CDH15: variants seen among roughly 807,000 people sequenced by gnomAD.
The protein encoded by CDH15 is cadherin 15.
In CDH15, 73 loss-of-function variants were observed where a neutral mutation model predicts 69.4. The ratio of observed to expected loss-of-function variants is 1.05; its 90% CI spans 0.87 to 1.28. CDH15 has a LOEUF of 1.28. Ranked by LOEUF, CDH15 falls within the 50% of genes most tolerant of loss-of-function variation. CDH15 has a pLI of 0.00. For missense variants in CDH15, 1,343 were observed against 1,133.6 expected, an observed-to-expected ratio of 1.18 and a Z score of -2.65; for synonymous variants, 624 against 507.7, an observed-to-expected ratio of 1.23 and a Z score of -3.08.
intron 1 of CDH15, among the ~76,000 whole-genome samples, chr16:89,176,540 C>G (rs1043125636): frequency 2.0e-5 from 3 of 152,174 alleles, no homozygotes; most frequent in African/African-American, 7.2e-5. Context: ...CTCGGTGCTC[C>G]CTCCGCTCGC....
chr16:89,193,358 C>T, intron 11 of CDH15, 112 bp from the exon 12 acceptor site: 1 of 609,478 alleles, frequency 1.6e-6, no homozygotes, highest in South Asian at 1.9e-5. Flanking sequence ...CAACCCCACC[C>T]CTGCTTACCA....
At position 89,194,854 on chromosome 16, in the gene CDH15, C is replaced by T; in HGVS notation, c.2152-8C>T. The T allele has an allele frequency of 6.3e-6, 10 of 1,598,732 alleles. No individual in the cohort carries two copies. The highest frequency in any genetic ancestry group is 8.5e-6 in the Non-Finnish European group (10 of 1,171,914). The stretch of plus-strand genomic sequence containing the variant: ...CATGTGTCTTGAGCTCTCCGGGCCT[C>T]TTTATAGGGCTTGGAGGCTGCAGAT... On this transcript the variant is annotated splice_polypyrimidine_tract_variant and splice_region_variant and intron_variant, in intron 13 of 13. Coordinates refer to ENST00000289746, the MANE Select transcript of CDH15 (RefSeq NM_004933.3).
Position 89,187,563 on chromosome 16 carries a change from G to A in CDH15, c.792+6G>A. ...CCGAGTTCACCAGGGATGAGGTGCT[G>A]CTGCTGTCCCTCCCTCGAAAGTAGC... On this transcript the variant is annotated splice_donor_region_variant and intron_variant, in intron 6 of 13. Coordinates refer to ENST00000289746, the MANE Select transcript of CDH15 (RefSeq NM_004933.3). 6.2e-7 allele frequency: 1 copy of A among 1,613,368 alleles called. No individual in the cohort carries two copies. Among genetic ancestry groups the A allele is most frequent in the Admixed American group, 1.7e-5 (1 of 60,028 alleles).
rs778241322 is a variant in CDH15, at chr16:89,192,314, G to C, written c.1725G>C (p.Leu575=). 3 of 1,535,338 alleles carry C rather than the reference G, an allele frequency of 2.0e-6. No individual in the cohort carries two copies. The Admixed American group carries it at 5.9e-5, about 30-fold the overall frequency. The change falls in exon 11 of 14, where the codon CTG becomes CTC. Residue 575 remains leucine, a synonymous_variant. Coordinates refer to ENST00000289746, the MANE Select transcript of CDH15 (RefSeq NM_004933.3). ...GQPPQQREQP[L]NVTVCRCGKD... is the part of the protein sequence containing the mutation. ...CGCCCCAGCAGCGCGAGCAGCCTCT[G>C]AACGTGACCGTGTGCCGCTGCGGCA...
At position 89,171,781 on chromosome 16, in the gene CDH15, CGCT is replaced by C. The variant is rs745493517; in HGVS notation, c.-50_-48del. The C allele has an allele frequency of 3.3e-6, 5 of 1,532,314 alleles. No individual in the cohort carries two copies. The highest frequency in any genetic ancestry group is 2.4e-5 in the South Asian group (2 of 83,930). 94.9% of individuals were successfully genotyped at this position (1,532,314 alleles called of 1,614,324 possible). A position where few individuals can be genotyped will look rare whatever the true frequency, so the allele number is the denominator to read the frequency against. ...CTTGCGCTGTCACTCAGCCTGGACGCGCTTCTTCGGGTCGCGGGTGCACTCCGG... is the reference window on the plus strand; with the variant it reads ...CTTGCGCTGTCACTCAGCCTGGACGCTCTTCGGGTCGCGGGTGCACTCCGG... On this transcript the variant is annotated 5_prime_UTR_variant, in exon 1 of 14. Coordinates refer to ENST00000289746, the MANE Select transcript of CDH15 (RefSeq NM_004933.3).
chr16:89,190,190 C>T (rs1196837645), intron 7 of CDH15, 53 bp from the exon 8 acceptor site: 8 of 1,594,550 alleles, frequency 5.0e-6, no homozygotes, highest in African/African-American at 2.7e-5. Context: ...CACCTGCCCT[C>T]GGGTGCCCAC....
In CDH15 at chr16:89,177,246, G is replaced by A. The variant is rs568941430; in HGVS notation, c.43-2170G>A. On this transcript the variant is annotated intron_variant, in intron 1 of 13. Transcript: ENST00000289746. Reference sequence around the variant, plus strand: ...CCTGCAGTGGGGGGCTGGGAAGGTCGGGGTACCCTCGCCAAGGCTGATTGG... The same window carrying A: ...CCTGCAGTGGGGGGCTGGGAAGGTCAGGGTACCCTCGCCAAGGCTGATTGG... Among the ~76,000 whole-genome samples the A allele has an allele frequency of 4.7e-4, 71 of 152,268 alleles. 1 individual carries two copies. The highest frequency in any genetic ancestry group is 1.5e-3 in the African/African-American group (64 of 41,548).
Position 89,188,868 on chromosome 16 carries a change from CCACACACAGATGCCAG to C in CDH15, c.978+598_978+613del, listed in dbSNP as rs1397332345. On this transcript the variant is annotated intron_variant, in intron 7 of 13. Coordinates refer to ENST00000289746, the MANE Select transcript of CDH15 (RefSeq NM_004933.3). ...CACACAGATGCCCACGCACAGGTGC[CCACACACAGATGCCAG>C]CACACACAGATGCCCACACACACAT... 3.5e-4 allele frequency among the ~76,000 whole-genome samples: 42 copies of C among 120,474 alleles called. 1 individual carries two copies. Among genetic ancestry groups the C allele is most frequent in the Admixed American group, 2.7e-3 (30 of 11,194 alleles). 79.0% of individuals were successfully genotyped at this position (120,474 alleles called of 152,430 possible).
chr16:89,174,588 G>A (rs557445746), intron 1 of CDH15, among the ~76,000 whole-genome samples: 186 of 152,332 alleles, frequency 1.2e-3, no homozygotes, highest in Non-Finnish European at 1.5e-3. Flanking sequence ...TGTCAGGCTA[G>A]GAGCAGACCT....
chr16:89,180,435 C>T (rs1430674056), intron 3 of CDH15, 80 bp downstream of exon 3: 1 of 1,464,488 alleles, frequency 6.8e-7, no homozygotes, highest in African/African-American at 1.4e-5. Flanking sequence ...CACCAGGCTT[C>T]TCCTCCCCGC....
In CDH15 at chr16:89,179,514, G is replaced by C; in HGVS notation, c.141G>C (p.Trp47Cys). The C allele has an allele frequency of 6.2e-7, 1 of 1,612,936 alleles. No individual in the cohort carries two copies. The highest frequency in any genetic ancestry group is 2.2e-5 in the East Asian group (1 of 44,868). The change falls in exon 2 of 14, where the codon TGG (tryptophan) becomes TGC (cysteine). Residue 47 changes from tryptophan to cysteine, a missense_variant. Trp to Cys is a radical substitution (Grantham distance 215). Transcript: ENST00000289746. ...APALSRVRRA[W>C]VIPPISVSEN... is the part of the protein sequence containing the mutation. ...CCCTGAGCCGCGTGCGGAGGGCCTG[G>C]GTCATCCCCCCGATCAGCGTATCCG... is the stretch of plus-strand genomic sequence containing the variant.
chr16:89,193,772 C>CCAGCAGT lies in CDH15; in HGVS notation c.2014_2015insAGTCAGC (p.Leu672GlnfsTer48). 1.2e-6 allele frequency: 2 copies of CCAGCAGT among 1,604,800 alleles called. No homozygotes were observed. The highest frequency in any genetic ancestry group is 1.7e-6 in the Non-Finnish European group (2 of 1,179,038). On this transcript the variant is annotated frameshift_variant, in exon 13 of 14. Coordinates refer to ENST00000289746, the MANE Select transcript of CDH15 (RefSeq NM_004933.3). LOFTEE classifies it high-confidence loss of function. ...GCCCACAGGACGCCTACGACATCAGCCAGCTGCGTCACCCGACAGCGCTGA... is the reference window on the plus strand; with the variant it reads ...GCCCACAGGACGCCTACGACATCAGCCAGCAGTCAGCTGCGTCACCCGACAGCGCTGA...
At chr16:89,189,122 C>T (rs1415774674) in intron 7 of CDH15, among the ~76,000 whole-genome samples, 2 of 137,810 alleles carry the variant, frequency 1.5e-5, no homozygotes, top group East Asian at 2.4e-4. Flanking sequence ...CGCACAGGTG[C>T]CCACACAAAG....
intron 7 of CDH15, among the ~76,000 whole-genome samples, chr16:89,189,908 A>G (rs917355280): frequency 3.9e-5 from 6 of 152,230 alleles, no homozygotes; most frequent in African/African-American, 1.2e-4. Context: ...CTGAGTGGAT[A>G]AAGCCAACCC....
chr16:89,174,017 G>T (rs1915209036), intron 1 of CDH15, among the ~76,000 whole-genome samples: 1 of 152,344 alleles, frequency 6.6e-6, no homozygotes, highest in South Asian at 2.1e-4. Context: ...TGGGGGCCAG[G>T]CAGGGGCTCT....
chr16:89,179,390 G>A, intron 1 of CDH15, 26 bp from the exon 2 acceptor site: 2 of 1,613,294 alleles, frequency 1.2e-6, no homozygotes, highest in Non-Finnish European at 1.7e-6. Flanking sequence ...AGACGGTACT[G>A]TGGGACGCAT....
At chr16:89,187,088 A>G (rs1470865478) in intron 5 of CDH15, among the ~76,000 whole-genome samples, 15 of 138,054 alleles carry the variant, frequency 1.1e-4, no homozygotes, top group Middle Eastern at 4.2e-3. Context: ...CTCTGTAAAC[A>G]CTTACCCAGC....
rs144121846 is a variant in CDH15 at position 89,193,593 on chromosome 16, G to A, written c.1979G>A (p.Gly660Glu). Residue 660 changes from glycine (G) to glutamate (E), a missense_variant, in exon 12 of 14, where the codon GGG becomes GAG. Physicochemically the swap from Gly to Glu is moderately conservative, Grantham distance 98 (BLOSUM62 -2). Transcript: ENST00000289746. ...CTCAACTACGATGAGCAAGGAGGCGGGGAGGAGGACCAGGTGAGGGGGCAG... is the reference window on the plus strand; with the variant it reads ...CTCAACTACGATGAGCAAGGAGGCGAGGAGGAGGACCAGGTGAGGGGGCAG... ...NVLNYDEQGGGEEDQDAYDIS... is the reference protein window; with the variant it reads ...NVLNYDEQGGEEEDQDAYDIS... 2.5e-6 allele frequency: 4 copies of A among 1,600,880 alleles called. No homozygotes were observed. The highest frequency in any genetic ancestry group is 1.3e-5 in the African/African-American group (1 of 74,762).
Position 89,192,359 on chromosome 16 carries a change from G to C in CDH15, c.1770G>C (p.Pro590=). 1 of 1,536,102 alleles carries C rather than the reference G, an allele frequency of 6.5e-7. No homozygotes were observed. Among genetic ancestry groups the C allele is most frequent in the Non-Finnish European group, 8.7e-7 (1 of 1,147,004 alleles). ...GCGGCAAGGACGGCGTCTGCCTGCC[G>C]GGGGCCGCAGCGCTGCTGGCGGGGG... is the stretch of plus-strand genomic sequence containing the variant. ...CRCGKDGVCL[P]GAAALLAGGT... is the part of the protein sequence containing the mutation. The change falls in exon 11 of 14, where the codon CCG becomes CCC. Residue 590 remains proline, a synonymous_variant. Transcript: ENST00000289746.
Sources: gnomAD v4.1 joint callset for allele counts (sites outside exome capture counted in the v4.1 genomes callset) on GRCh38, gnomAD v4.1.1 for gene constraint, MANE v1.5 for transcripts, NCBI Gene and HGNC (gene_info 2026-07-23, HGNC 2026-07-21) for gene names.